ATP10D: variants seen among roughly 807,000 people sequenced by gnomAD.
The protein encoded by ATP10D is ATPase phospholipid transporting 10D (putative).
Under a neutral mutation model 144.8 loss-of-function variants are expected in ATP10D, and 89 were observed. The observed-to-expected ratio is 0.61, with a 90% confidence interval of 0.52 to 0.73. The LOEUF (loss-of-function observed/expected upper bound fraction) is 0.73, where lower values mean the gene tolerates loss of function less well. ATP10D is among the 30% of genes least tolerant of loss of function. The probability of loss-of-function intolerance (pLI) is 0.00; values close to 1 mark genes in which losing one functional copy is unlikely to be tolerated. For missense variants in ATP10D, 1,603 were observed against 1,714.8 expected (o/e 0.93, Z 1.15); for synonymous variants, 571 against 615.1 (o/e 0.93, Z 1.06).
Position 47,592,698 on chromosome 4 carries a change from G to A in ATP10D, c.*1317G>A, listed in dbSNP as rs554682827. On this transcript the variant is annotated 3_prime_UTR_variant, in exon 23 of 23. Transcript: ENST00000273859. ...CTTCTTAATGACTATTATTCTCAGGGTTTAGTTTTCTACCTTCTGCCTACT... is the reference window on the plus strand; with the variant it reads ...CTTCTTAATGACTATTATTCTCAGGATTTAGTTTTCTACCTTCTGCCTACT... 1.3e-5 allele frequency: 2 copies of A among 152,542 alleles called. No homozygotes were observed. Among genetic ancestry groups the A allele is most frequent in the South Asian group, 2.1e-4 (1 of 4,818 alleles). The allele number at this position is 152,542 out of a possible 1,614,324, so 9.4% of individuals were successfully genotyped here.
In ATP10D at chr4:47,557,975, C is replaced by T; in HGVS notation, c.2136C>T (p.Leu712=). The change falls in exon 12 of 23, where the codon CTC becomes CTT. Residue 712 remains leucine (L), a synonymous_variant. Transcript: ENST00000273859. The part of the protein sequence containing the change: ...AGLLNGKAES[L]PGQPLACNLC... ...TCCTGAATGGCAAGGCAGAGTCCCT[C>T]CCTGGACAGCCATTGGCCTGCAACC... is the stretch of plus-strand genomic sequence containing the variant. 6.2e-7 allele frequency: 1 copy of T among 1,614,146 alleles called. No homozygotes were observed. The highest frequency in any genetic ancestry group is 8.5e-7 in the Non-Finnish European group (1 of 1,179,976).
intron 14 of ATP10D, among the ~76,000 whole-genome samples, chr4:47,562,967 A>G (rs1719401926): frequency 6.6e-6 from 1 of 152,178 alleles, no homozygotes; most frequent in South Asian, 2.1e-4. Flanking sequence ...ATAACCCAGA[A>G]ACAGAAAGTC....
intron 10 of ATP10D, 37 bp downstream of exon 10, chr4:47,546,899 A>G (rs746749377): frequency 1.9e-6 from 3 of 1,559,598 alleles, no homozygotes; most frequent in Middle Eastern, 2.3e-4. Flanking sequence ...TTGCACATCC[A>G]CAATGTATGA....
At chr4:47,534,105 A>G (rs1217055931) in intron 5 of ATP10D, among the ~76,000 whole-genome samples, 1 of 152,106 alleles carries the variant, frequency 6.6e-6, no homozygotes, top group Non-Finnish European at 1.5e-5. Context: ...TCCTCTCCCA[A>G]TAAATTGAGT....
At chr4:47,493,243 TA>T (rs1222237876) in intron 1 of ATP10D, among the ~76,000 whole-genome samples, 2 of 152,236 alleles carry the variant, frequency 1.3e-5, no homozygotes, top group African/African-American at 4.8e-5. Flanking sequence ...ATTAGCTGCA[TA>T]AAAATCATAT....
intron 1 of ATP10D, chr4:47,490,936 T>G (rs1715036879): frequency 2.0e-6 from 1 of 500,964 alleles, no homozygotes; most frequent in Non-Finnish European, 3.7e-6. Context: ...ACATCTTTTT[T>G]TTTTTCAGTC....
At chr4:47,544,131 T>A (rs1219521341) in intron 9 of ATP10D, among the ~76,000 whole-genome samples, 3 of 152,238 alleles carry the variant, frequency 2.0e-5, no homozygotes, top group Non-Finnish European at 4.4e-5. Context: ...ATTTTAAGAC[T>A]AATTTGTACC....
chr4:47,524,464 C>A (rs1186114481), intron 4 of ATP10D, among the ~76,000 whole-genome samples: 3 of 152,122 alleles, frequency 2.0e-5, no homozygotes, highest in Non-Finnish European at 4.4e-5. Flanking sequence ...TGGTAAAAAT[C>A]CTGCACTACT....
At chr4:47,568,801 G>T (rs765242495) in intron 15 of ATP10D, 36 bp from the exon 16 acceptor site, 1 of 1,569,420 alleles carries the variant, frequency 6.4e-7, no homozygotes, top group Non-Finnish European at 8.7e-7. Context: ...CACCAAGGGC[G>T]CCTGGAGGCT....
intron 18 of ATP10D, among the ~76,000 whole-genome samples, chr4:47,575,274 C>G (rs961209851): frequency 2.0e-5 from 3 of 152,162 alleles, no homozygotes; most frequent in African/African-American, 7.2e-5. Context: ...ACAAAACTCT[C>G]TCTAAGTCCA....
intron 15 of ATP10D, among the ~76,000 whole-genome samples, chr4:47,568,270 C>T (rs1047515063): frequency 6.6e-6 from 1 of 152,150 alleles, no homozygotes; most frequent in African/African-American, 2.4e-5. Flanking sequence ...AGCTCCAGCT[C>T]TTAGAATGTT....
In ATP10D at chr4:47,536,453, G is replaced by A. The variant is rs147184971; in HGVS notation, c.1032G>A (p.Leu344=). The change falls in exon 8 of 23, where the codon CTG becomes CTA. Residue 344 remains leucine (L), a synonymous_variant. Coordinates refer to ENST00000273859, the MANE Select transcript of ATP10D (RefSeq NM_020453.4). ...TTTTGAAAGGTCATGGAATCTGGCT[G>A]AGCAGGTATGAAAAGATGCATTTTT... is the stretch of plus-strand genomic sequence containing the variant. ...LTGAVGHGIW[L]SRYEKMHFFN... The A allele has an allele frequency of 3.2e-5, 51 of 1,613,392 alleles. No homozygotes were observed. The African/African-American group carries it at 6.1e-4, about 19-fold the overall frequency.
At position 47,592,293 on chromosome 4, in the gene ATP10D, T is replaced by C. The variant is rs1721085697; in HGVS notation, c.*912T>C. 6.6e-6 allele frequency: 1 copy of C among 152,572 alleles called. No homozygotes were observed. The highest frequency in any genetic ancestry group is 6.6e-5 in the Admixed American group (1 of 15,248). The allele number at this position is 152,572 out of a possible 1,614,324, so 9.5% of individuals were successfully genotyped here. ...TCAAAACAATCTTCCAGAGACCACT[T>C]GAAGGTTCATAGTTTTTACAATACC... is the stretch of plus-strand genomic sequence containing the variant. On this transcript the variant is annotated 3_prime_UTR_variant, in exon 23 of 23. Transcript: ENST00000273859.
intron 1 of ATP10D, among the ~76,000 whole-genome samples, chr4:47,511,010 T>G (rs1716298083): frequency 6.6e-6 from 1 of 152,220 alleles, no homozygotes; most frequent in South Asian, 2.1e-4. Flanking sequence ...GATTCACTTA[T>G]AAAGCACTAT....
At chr4:47,577,508 A>G (rs1196477525) in intron 19 of ATP10D, among the ~76,000 whole-genome samples, 1 of 151,258 alleles carries the variant, frequency 6.6e-6, no homozygotes, top group African/African-American at 2.4e-5. Context: ...CAGGTTCTTT[A>G]TGGGAATGAA....
intron 22 of ATP10D, among the ~76,000 whole-genome samples, chr4:47,587,724 G>A (rs1373075244): frequency 6.6e-6 from 1 of 152,092 alleles, no homozygotes; most frequent in Non-Finnish European, 1.5e-5. Context: ...GATCAAACTC[G>A]CCCTCTTATA....
intron 1 of ATP10D, among the ~76,000 whole-genome samples, chr4:47,501,644 T>C (rs6813123): frequency 0.34 from 51,726 of 152,010 alleles, 9,202 homozygotes; most frequent in East Asian, 0.66. Context: ...ATATGAGATA[T>C]CTGGATTAAG....
At position 47,561,094 on chromosome 4, in the gene ATP10D, T is replaced by TA. The variant is rs768061711; in HGVS notation, c.2668+20dup. On this transcript the variant is annotated intron_variant, in intron 14 of 22. Coordinates refer to ENST00000273859, the MANE Select transcript of ATP10D (RefSeq NM_020453.4). ...TTACTTGGTAGGTGAATTATGTTTG[T>TA]ATTGCCTGAATGGAGGATTTTGAAA... 8 of 1,613,880 alleles carry TA rather than the reference T, an allele frequency of 5.0e-6. 1 individual carries two copies. In the Middle Eastern group the frequency reaches 6.6e-4, roughly 133 times the overall value.
intron 20 of ATP10D, among the ~76,000 whole-genome samples, 179 bp downstream of exon 20, chr4:47,580,657 GACAT>G (rs1197502052): frequency 4.5e-4 from 69 of 152,302 alleles, no homozygotes; most frequent in African/African-American, 1.4e-3. Context: ...AATTTAGATA[GACAT>G]ACATAGTTTG....
Sources: allele counts gnomAD v4.1 joint callset (sites outside exome capture counted in the v4.1 genomes callset), GRCh38; gene constraint gnomAD v4.1.1; transcripts MANE v1.5; gene names NCBI Gene and HGNC (gene_info 2026-07-23, HGNC 2026-07-21).